Variants in PTTG1IP2 observed in about 807,000 individuals in gnomAD.
PTTG1IP2 encodes the protein PTTG1IP family member 2.
intron 2 of PTTG1IP2, among the ~76,000 whole-genome samples, chr7:90,482,547 A>G (rs1172602447): frequency 6.6e-6 from 1 of 150,612 alleles, no homozygotes; most frequent in African/African-American, 2.4e-5. Flanking sequence ...TATGAAAAAC[A>G]TATTATATTT....
intron 1 of PTTG1IP2, among the ~76,000 whole-genome samples, chr7:90,477,593 A>T (rs1249155270): frequency 6.6e-6 from 1 of 152,206 alleles, no homozygotes; most frequent in East Asian, 1.9e-4. Flanking sequence ...AAAACTGTCA[A>T]GGTCATGAAA....
At chr7:90,499,203 A>C (rs1301144272) in intron 6 of PTTG1IP2, among the ~76,000 whole-genome samples, 1 of 152,222 alleles carries the variant, frequency 6.6e-6, no homozygotes, top group Non-Finnish European at 1.5e-5. Flanking sequence ...TATTTATTTT[A>C]ACTTGTGCCA....
chr7:90,500,595 G>A (rs1562988919), intron 6 of PTTG1IP2, among the ~76,000 whole-genome samples: 1 of 152,204 alleles, frequency 6.6e-6, no homozygotes, highest in African/African-American at 2.4e-5. Flanking sequence ...GCAGACTTGG[G>A]TAGAAGGAAC....
intron 6 of PTTG1IP2, among the ~76,000 whole-genome samples, chr7:90,511,229 C>T (rs1255533949): frequency 1.3e-5 from 2 of 152,162 alleles, no homozygotes; most frequent in African/African-American, 4.8e-5. Flanking sequence ...GATATAGTGC[C>T]TGCCATCAAA....
At chr7:90,475,863 G>A (rs1262787543) in intron 1 of PTTG1IP2, among the ~76,000 whole-genome samples, 1 of 151,810 alleles carries the variant, frequency 6.6e-6, no homozygotes, top group Non-Finnish European at 1.5e-5. Context: ...GGAGGCTGAG[G>A]CAGGAGGGTG....
intron 6 of PTTG1IP2, among the ~76,000 whole-genome samples, chr7:90,500,456 G>T (rs1584699280): frequency 6.6e-6 from 1 of 152,298 alleles, no homozygotes; most frequent in African/African-American, 2.4e-5. Flanking sequence ...TGGGATGAGA[G>T]AAAGAGTTTA....
intron 2 of PTTG1IP2, among the ~76,000 whole-genome samples, chr7:90,484,360 T>C (rs192889327): frequency 6.6e-6 from 1 of 152,240 alleles, no homozygotes; most frequent in Admixed American, 6.5e-5. Flanking sequence ...ATGATATTTT[T>C]ATTAAAATAG....
At position 90,497,750 on chromosome 7, in the gene PTTG1IP2, A is replaced by G. The variant is rs1435238136; in HGVS notation, c.*50+3320A>G. Among the ~76,000 whole-genome samples the G allele has an allele frequency of 2.0e-5, 3 of 146,734 alleles. No homozygotes were observed. The East Asian group carries it at 6.1e-4, about 30-fold the overall frequency. ...AAAAAAAAAAAAAAAAAAAAGAAGAAGAAGAAGAAGAAGCCGAAGTATATG... is the reference window on the plus strand; with the variant it reads ...AAAAAAAAAAAAAAAAAAAAGAAGAGGAAGAAGAAGAAGCCGAAGTATATG... On this transcript the variant is annotated intron_variant, in intron 6 of 6. Coordinates refer to ENST00000509356, the MANE Select transcript of PTTG1IP2 (RefSeq NM_001365443.2).
At chr7:90,479,414 A>C (rs933957260) in intron 2 of PTTG1IP2, 140 bp downstream of exon 2, 4 of 152,502 alleles carry the variant, frequency 2.6e-5, no homozygotes, top group Admixed American at 2.6e-4. Flanking sequence ...ATTAAGATCT[A>C]TTTATGCATT....
intron 6 of PTTG1IP2, among the ~76,000 whole-genome samples, chr7:90,497,742 A>AGAAG (rs1207588302): frequency 2.2e-5 from 3 of 135,666 alleles, no homozygotes; most frequent in Admixed American, 1.5e-4. Flanking sequence ...AAAAAAAAAA[A>AGAAG]AAGAAGAAGA....
At chr7:90,486,182 T>G (rs12668518) in intron 2 of PTTG1IP2, among the ~76,000 whole-genome samples, 59,918 of 151,664 alleles carry the variant, frequency 0.4, 12,793 homozygotes, top group Non-Finnish European at 0.5. Flanking sequence ...AGTGATTGGG[T>G]GGGGTCTGGG....
rs1019860631 is a variant in PTTG1IP2, at chr7:90,469,856, C to T, written c.70C>T (p.Leu24Phe). The T allele has an allele frequency of 6.5e-6, 1 of 152,840 alleles. No individual in the cohort carries two copies. The highest frequency in any genetic ancestry group is 2.4e-5 in the African/African-American group (1 of 41,442). The allele number at this position is 152,840 out of a possible 1,614,324, so 9.5% of individuals were successfully genotyped here. ...CCTCTCCCTCTTTCTCATCCAATTGCTTATCAGCTTCTCAGAGAATGGTTT... is the reference window on the plus strand; with the variant it reads ...CCTCTCCCTCTTTCTCATCCAATTGTTTATCAGCTTCTCAGAGAATGGTTT... Reference protein sequence around the residue: ...VFLSLFLIQLLISFSENGFIH... With the variant: ...VFLSLFLIQLFISFSENGFIH... Residue 24 changes from leucine to phenylalanine, a missense_variant, in exon 1 of 7, where the codon CTT (leucine) becomes TTT (phenylalanine). Coordinates refer to ENST00000509356, the MANE Select transcript of PTTG1IP2 (RefSeq NM_001365443.2).
intron 2 of PTTG1IP2, among the ~76,000 whole-genome samples, chr7:90,483,684 C>T (rs1166121834): frequency 6.6e-6 from 1 of 152,180 alleles, no homozygotes; most frequent in Non-Finnish European, 1.5e-5. Context: ...TAACCAAATG[C>T]AAAAACCTTT....
intron 6 of PTTG1IP2, among the ~76,000 whole-genome samples, chr7:90,504,251 G>T (rs1189083834): frequency 6.6e-6 from 1 of 152,004 alleles, no homozygotes; most frequent in Non-Finnish European, 1.5e-5. Flanking sequence ...GGGAAGCAGA[G>T]GTTGCAGTGA....
At chr7:90,506,871 A>T (rs1258809859) in intron 6 of PTTG1IP2, among the ~76,000 whole-genome samples, 1 of 151,842 alleles carries the variant, frequency 6.6e-6, no homozygotes, top group Non-Finnish European at 1.5e-5. Flanking sequence ...TAAGTTCAAG[A>T]TTCATTTTGG....
intron 1 of PTTG1IP2, among the ~76,000 whole-genome samples, chr7:90,477,155 T>C (rs1014082788): frequency 6.6e-6 from 1 of 151,968 alleles, no homozygotes; most frequent in African/African-American, 2.4e-5. Flanking sequence ...TCACGAAAAA[T>C]GTAATCAAGA....
intron 6 of PTTG1IP2, among the ~76,000 whole-genome samples, chr7:90,512,657 G>C (rs766193872): frequency 6.6e-6 from 1 of 152,172 alleles, no homozygotes; most frequent in Non-Finnish European, 1.5e-5. Flanking sequence ...AGAAATATTT[G>C]GAAGTAGACA....
At chr7:90,495,559 G>A (rs1797982794) in intron 6 of PTTG1IP2, among the ~76,000 whole-genome samples, 1 of 152,300 alleles carries the variant, frequency 6.6e-6, no homozygotes, top group African/African-American at 2.4e-5. Context: ...ACAGAAAGGA[G>A]GTCTCTAGCT....
intron 5 of PTTG1IP2, among the ~76,000 whole-genome samples, chr7:90,492,860 C>T (rs1236206701): frequency 2.0e-5 from 3 of 152,094 alleles, no homozygotes; most frequent in Non-Finnish European, 4.4e-5. Context: ...CTTGGCTAAC[C>T]TCCTATCCGC....
Sources: gnomAD v4.1 joint callset for allele counts (sites outside exome capture counted in the v4.1 genomes callset) on GRCh38, gnomAD v4.1.1 for gene constraint, MANE v1.5 for transcripts, NCBI Gene and HGNC (gene_info 2026-07-23, HGNC 2026-07-21) for gene names.